The following TTC28 variants were observed in gnomAD, a reference collection of about 807,000 sequenced individuals.
TTC28 encodes the protein tetratricopeptide repeat protein 28.
A neutral mutation model predicts 198.0 loss-of-function variants in TTC28; 61 were observed. The ratio of observed to expected loss-of-function variants is 0.31; its 90% CI spans 0.25 to 0.38. The LOEUF is 0.38. Ranked by LOEUF, TTC28 falls within the 10% of genes least tolerant of loss-of-function variation. The probability of loss-of-function intolerance (pLI) is 1.00; values close to 1 mark genes in which losing one functional copy is unlikely to be tolerated. For missense variants in TTC28, 2,678 were observed against 3,164.0 expected, an observed-to-expected ratio of 0.85 and a Z score of 3.69; for synonymous variants, 1,171 against 1,297.8, an observed-to-expected ratio of 0.90 and a Z score of 2.10.
chr22:28,136,194 G>C (rs545057240), intron 6 of TTC28, among the ~76,000 whole-genome samples: 1 of 152,280 alleles, frequency 6.6e-6, no homozygotes, highest in African/African-American at 2.4e-5. Context: ...GCTCAGGCTA[G>C]AGTTCAGTGG....
chr22:28,474,462 T>C (rs913321450), intron 2 of TTC28, among the ~76,000 whole-genome samples: 10 of 152,196 alleles, frequency 6.6e-5, no homozygotes, highest in African/African-American at 2.4e-4. Context: ...CTCCCTCTTA[T>C]TGCAAAGCCT....
At chr22:28,042,782 A>G (rs1939703893) in intron 12 of TTC28, among the ~76,000 whole-genome samples, 1 of 152,060 alleles carries the variant, frequency 6.6e-6, no homozygotes, top group African/African-American at 2.4e-5. Flanking sequence ...AAAGGCTGGG[A>G]GACATCCTAC....
chr22:28,441,159 C>T (rs1054071900), intron 2 of TTC28, among the ~76,000 whole-genome samples: 9 of 152,178 alleles, frequency 5.9e-5, no homozygotes, highest in African/African-American at 1.7e-4. Context: ...ATAATACTTC[C>T]GTGGTTCAAG....
intron 12 of TTC28, among the ~76,000 whole-genome samples, chr22:28,070,915 A>G (rs1940940574): frequency 6.6e-6 from 1 of 152,198 alleles, no homozygotes; most frequent in African/African-American, 2.4e-5. Context: ...CAGTATGTCA[A>G]CCCAACTTTG....
intron 5 of TTC28, among the ~76,000 whole-genome samples, chr22:28,215,907 C>T (rs1927357764): frequency 6.6e-6 from 1 of 152,082 alleles, no homozygotes; most frequent in Non-Finnish European, 1.5e-5. Context: ...AGAAAAAAGC[C>T]ATATTTGCAC....
At chr22:28,038,263 A>C (rs1414956415) in intron 12 of TTC28, among the ~76,000 whole-genome samples, 4 of 152,198 alleles carry the variant, frequency 2.6e-5, no homozygotes, top group African/African-American at 7.2e-5. Flanking sequence ...ACCTGACTTC[A>C]AACTATACTA....
At chr22:28,542,268 C>T (rs1165469274) in intron 2 of TTC28, among the ~76,000 whole-genome samples, 1 of 151,738 alleles carries the variant, frequency 6.6e-6, no homozygotes, top group Non-Finnish European at 1.5e-5. Context: ...TCTATAGAAA[C>T]CAAAGCACAA....
At chr22:28,360,167 T>C (rs1038199134) in intron 2 of TTC28, among the ~76,000 whole-genome samples, 3 of 152,166 alleles carry the variant, frequency 2.0e-5, no homozygotes, top group Non-Finnish European at 4.4e-5. Context: ...ATCATCATCA[T>C]CTTGAAGCAG....
intron 5 of TTC28, among the ~76,000 whole-genome samples, chr22:28,197,301 A>G (rs1925461907): frequency 6.6e-6 from 1 of 151,578 alleles, no homozygotes; most frequent in African/African-American, 2.4e-5. Flanking sequence ...GGAGAGGGAT[A>G]GCATTAAGAG....
rs543124861 is a variant in TTC28, at chr22:28,454,994, G to A, written c.382-148351C>T. ...TTCAAAAGTATATAAATGGGTCAGA[G>A]AGTGGACACTCTGATTACCACATTA... On this transcript the variant is annotated intron_variant, in intron 2 of 22. Coordinates refer to ENST00000397906, the MANE Select transcript of TTC28 (RefSeq NM_001145418.2). Among the ~76,000 whole-genome samples the A allele has an allele frequency of 9.2e-5, 14 of 152,324 alleles. No individual in the cohort carries two copies. In the East Asian group the frequency reaches 2.3e-3, roughly 25 times the overall value.
chr22:28,634,538 C>A (rs1341251292), intron 1 of TTC28, among the ~76,000 whole-genome samples: 1 of 148,212 alleles, frequency 6.7e-6, no homozygotes, highest in Non-Finnish European at 1.5e-5. Flanking sequence ...ACGGAAATTT[C>A]TATGTATGGC....
chr22:28,304,329 A>G (rs1447745689), intron 3 of TTC28, among the ~76,000 whole-genome samples: 10 of 152,122 alleles, frequency 6.6e-5, no homozygotes, highest in African/African-American at 2.4e-4. Flanking sequence ...AATTTTGTCA[A>G]TTACAACCAT....
chr22:28,356,869 C>T (rs2046085325), intron 2 of TTC28, among the ~76,000 whole-genome samples: 1 of 152,172 alleles, frequency 6.6e-6, no homozygotes, highest in African/African-American at 2.4e-5. Flanking sequence ...AATTATCATT[C>T]AGAATGTCAA....
intron 2 of TTC28, among the ~76,000 whole-genome samples, chr22:28,336,416 C>A (rs1357359132): frequency 1.3e-5 from 2 of 152,158 alleles, no homozygotes; most frequent in Non-Finnish European, 2.9e-5. Context: ...AGGAATGGTA[C>A]CAGTTCCTCC....
At chr22:28,119,838 A>G (rs1942737592) in intron 6 of TTC28, among the ~76,000 whole-genome samples, 1 of 152,258 alleles carries the variant, frequency 6.6e-6, no homozygotes, top group Non-Finnish European at 1.5e-5. Flanking sequence ...TGAAGTTGTT[A>G]AAATAAATCA....
chr22:27,987,653 C>T (rs1034276479), intron 21 of TTC28, among the ~76,000 whole-genome samples: 1 of 152,070 alleles, frequency 6.6e-6, no homozygotes, highest in Non-Finnish European at 1.5e-5. Flanking sequence ...GTGAGCTGAG[C>T]TCGCGCCACT....
At chr22:28,439,965 A>T (rs1475274638) in intron 2 of TTC28, among the ~76,000 whole-genome samples, 1 of 152,064 alleles carries the variant, frequency 6.6e-6, no homozygotes, top group Non-Finnish European at 1.5e-5. Context: ...CCTCCTGAGT[A>T]GCTGGGATTA....
chr22:28,372,531 CT>C (rs11309698), intron 2 of TTC28, among the ~76,000 whole-genome samples: 42,516 of 145,486 alleles, frequency 0.29, 6,772 homozygotes, highest in Middle Eastern at 0.4. Flanking sequence ...ATAGTTTATC[CT>C]TTTTTTTTTT....
chr22:28,489,683 G>T (rs1306559113), intron 2 of TTC28, among the ~76,000 whole-genome samples: 1 of 152,116 alleles, frequency 6.6e-6, no homozygotes. Flanking sequence ...CTACATGGGA[G>T]GCTGGGGTGG....
Sources: allele counts gnomAD v4.1 joint callset (sites outside exome capture counted in the v4.1 genomes callset), GRCh38; gene constraint gnomAD v4.1.1; transcripts MANE v1.5; gene names NCBI Gene and HGNC (gene_info 2026-07-23, HGNC 2026-07-21).